Variants in IFRD1 observed in about 807,000 individuals in gnomAD.
The protein encoded by IFRD1 is interferon-related developmental regulator 1.
A neutral mutation model predicts 52.9 loss-of-function variants in IFRD1; 35 were observed. The ratio of observed to expected loss-of-function variants is 0.66; its 90% confidence interval spans 0.51 to 0.88. The LOEUF (loss-of-function observed/expected upper bound fraction) is 0.88, where lower values mean the gene tolerates loss of function less well. IFRD1 is among the 40% of genes least tolerant of loss of function. IFRD1 has a pLI of 0.00. For synonymous variants in IFRD1, 184 were observed against 188.4 expected (o/e 0.98, Z 0.19); for missense variants, 517 against 550.8 (o/e 0.94, Z 0.61).
intron 4 of IFRD1, chr7:112,457,874 T>C (rs1443333779): frequency 6.6e-6 from 1 of 152,206 alleles, no homozygotes; most frequent in East Asian, 1.9e-4. Context: ...AATGAACTAA[T>C]AAGCTTTATA....
intron 4 of IFRD1, chr7:112,457,288 A>G (rs1470416726): frequency 3.4e-6 from 2 of 584,840 alleles, no homozygotes; most frequent in East Asian, 5.6e-5. Context: ...CCTTTTTTGT[A>G]TCAGAAGAGG....
rs190699151 is a variant in IFRD1, at chr7:112,434,796, C to G, written c.-182+11364C>G. Among the ~76,000 whole-genome samples, 302 of 152,254 alleles carry G rather than the reference C, an allele frequency of 2.0e-3. 1 individual carries two copies. The highest frequency in any genetic ancestry group is 6.9e-3 in the African/African-American group (287 of 41,550). On this transcript the variant is annotated intron_variant, in intron 1 of 12. Transcript: ENST00000005558. ...TTTGGACCTCAGATTATACTAATAT[C>G]ACACTCATACTATTGTACAGAATGA... is the stretch of plus-strand genomic sequence containing the variant.
At chr7:112,452,729 G>C (rs1200125172) in intron 1 of IFRD1, among the ~76,000 whole-genome samples, 1 of 152,028 alleles carries the variant, frequency 6.6e-6, no homozygotes, top group Non-Finnish European at 1.5e-5. Flanking sequence ...TTTGCTTCAG[G>C]GCTCATTTGT....
upstream of IFRD1, chr7:112,446,496 G>C (rs1795033809): frequency 6.6e-6 from 1 of 152,302 alleles, no homozygotes; most frequent in Non-Finnish European, 1.5e-5. Flanking sequence ...TAGTAGAAGA[G>C]ACAAAAAATA....
chr7:112,475,554 A>ATT lies in IFRD1; in HGVS notation c.*43_*44dup. ...ACTTGAAGACTATTTTCTAATTTCT[A>ATT]TTTTTTTTTCTATTTCAATGTATTT... On this transcript the variant is annotated 3_prime_UTR_variant, in exon 12 of 12. Transcript: ENST00000403825. 3.9e-6 allele frequency: 5 copies of ATT among 1,281,632 alleles called. No individual in the cohort carries two copies. The highest frequency in any genetic ancestry group is 5.6e-6 in the Non-Finnish European group (5 of 891,082). The allele number at this position is 1,281,632 out of a possible 1,614,324, so 79.4% of individuals were successfully genotyped here. A position where few individuals can be genotyped will look rare whatever the true frequency, so the allele number is the denominator to read the frequency against.
chr7:112,452,369 C>A, intron 1 of IFRD1: 1 of 584,812 alleles, frequency 1.7e-6, no homozygotes, highest in Non-Finnish European at 2.2e-6. Context: ...GTTGGCCAGG[C>A]TGGTCACGAG....
At chr7:112,440,592 C>G (rs1715711483) in intron 1 of IFRD1, among the ~76,000 whole-genome samples, 1 of 152,136 alleles carries the variant, frequency 6.6e-6, no homozygotes, top group African/African-American at 2.4e-5. Flanking sequence ...CACTCATTCT[C>G]CATAATTTAG....
chr7:112,440,730 A>G (rs1244048058), intron 1 of IFRD1, among the ~76,000 whole-genome samples: 2 of 152,260 alleles, frequency 1.3e-5, no homozygotes, highest in African/African-American at 4.8e-5. Flanking sequence ...CTGGAACTCC[A>G]AGAGACACTA....
At chr7:112,423,479 T>A (rs1367129214) in intron 1 of IFRD1, 1 of 152,226 alleles carries the variant, frequency 6.6e-6, no homozygotes, top group East Asian at 1.9e-4. Flanking sequence ...GGCTTAAAGA[T>A]GTTAAATTGG....
At chr7:112,465,214 A>G (rs575758873) in intron 8 of IFRD1, among the ~76,000 whole-genome samples, 128 of 152,256 alleles carry the variant, frequency 8.4e-4, no homozygotes, top group Non-Finnish European at 1.5e-3. Flanking sequence ...TTTTATTTTA[A>G]TATTAGGCTT....
Position 112,472,336 on chromosome 7 carries a change from T to C in IFRD1, c.1159T>C (p.Tyr387His), listed in dbSNP as rs1253630819. ...GGAGGTTCTTGGATCAGGGATGCAG[T>C]ACCACTTGCAGGTAAGTGTCATCCT... ...FKEVLGSGMQ[Y>H]HLQSNEFLRN... Residue 387 changes from tyrosine to histidine, a missense_variant, in exon 10 of 12, where the codon TAC becomes CAC. Transcript: ENST00000403825. The C allele has an allele frequency of 6.2e-7, 1 of 1,614,046 alleles. No individual in the cohort carries two copies.
rs1795916308 is a variant in IFRD1, at chr7:112,476,871, T to C, written c.*1352T>C. 6.6e-6 allele frequency: 1 copy of C among 152,152 alleles called. No individual in the cohort carries two copies. Among genetic ancestry groups the C allele is most frequent in the Admixed American group, 6.5e-5 (1 of 15,270 alleles). The allele number at this position is 152,152 out of a possible 1,614,324, so 9.4% of individuals were successfully genotyped here. ...AGCATATATACTGTAGGGAGAAGTATCAAAATCATTTAAGGTCTTTTTTCC... is the reference window on the plus strand; with the variant it reads ...AGCATATATACTGTAGGGAGAAGTACCAAAATCATTTAAGGTCTTTTTTCC... On this transcript the variant is annotated 3_prime_UTR_variant, in exon 12 of 12. Transcript: ENST00000403825.
chr7:112,434,404 G>A (rs1794621201), intron 1 of IFRD1, among the ~76,000 whole-genome samples: 1 of 152,144 alleles, frequency 6.6e-6, no homozygotes, highest in African/African-American at 2.4e-5. Context: ...TGTATGAATT[G>A]GAAAGATTTT....
intron 1 of IFRD1, 48 bp from the exon 2 acceptor site, chr7:112,455,715 G>C (rs1210177494): frequency 8.4e-7 from 1 of 1,194,564 alleles, no homozygotes; most frequent in Admixed American, 1.7e-5. Context: ...TAAATATTTA[G>C]GTATATGGCA....
At chr7:112,447,987 A>G (rs908760431), upstream of IFRD1, among the ~76,000 whole-genome samples, 5 of 152,180 alleles carry the variant, frequency 3.3e-5, no homozygotes, top group Admixed American at 3.3e-4. Context: ...TGATCCAGAA[A>G]AATCTAGTCA....
chr7:112,434,039 C>G (rs1357481455), intron 1 of IFRD1, among the ~76,000 whole-genome samples: 2 of 151,994 alleles, frequency 1.3e-5, no homozygotes, highest in African/African-American at 4.8e-5. Flanking sequence ...CCAGGCTGGT[C>G]TCGAACTCCT....
intron 1 of IFRD1, among the ~76,000 whole-genome samples, chr7:112,436,852 A>G (rs1035846082): frequency 2.6e-5 from 4 of 152,206 alleles, no homozygotes; most frequent in African/African-American, 9.7e-5. Flanking sequence ...TTATATATCA[A>G]AAAATGTTCA....
chr7:112,461,733 T>C (rs1279394573), intron 5 of IFRD1, 133 bp from the exon 6 acceptor site: 2 of 507,382 alleles, frequency 3.9e-6, no homozygotes, highest in Non-Finnish European at 6.8e-6. Context: ...TCACCTCTTT[T>C]ATGTATAATG....
chr7:112,434,870 A>T (rs1794634494), intron 1 of IFRD1, among the ~76,000 whole-genome samples: 1 of 152,188 alleles, frequency 6.6e-6, no homozygotes, highest in Non-Finnish European at 1.5e-5. Flanking sequence ...CATGATCACA[A>T]CCTAACACTT....
Sources: allele counts gnomAD v4.1 joint callset (sites outside exome capture counted in the v4.1 genomes callset), GRCh38; gene constraint gnomAD v4.1.1; transcripts MANE v1.5; gene names NCBI Gene and HGNC (gene_info 2026-07-23, HGNC 2026-07-21).